Variants in JDP2 observed in about 807,000 individuals in gnomAD.
JDP2 encodes the protein Jun dimerization protein 2, also known as progesterone receptor co-activator.
In JDP2, 9 loss-of-function variants were observed where a neutral mutation model predicts 17.1. The ratio of observed to expected loss-of-function variants is 0.53; its 90% CI spans 0.32 to 0.92. The LOEUF (loss-of-function observed/expected upper bound fraction) is 0.92, where lower values mean the gene tolerates loss of function less well. Ranked by LOEUF, JDP2 falls within the 40% of genes least tolerant of loss-of-function variation. JDP2 has a pLI of 0.04. For synonymous variants in JDP2, 107 were observed against 95.6 expected, an observed-to-expected ratio of 1.12 and a Z score of -0.69; for missense variants, 179 against 220.0, an observed-to-expected ratio of 0.81 and a Z score of 1.18.
In JDP2 at chr14:75,430,986, C is replaced by T. The variant is rs936731571; in HGVS notation, c.-24+2734C>T. On this transcript the variant is annotated intron_variant, in intron 1 of 3. Coordinates refer to ENST00000651602, the MANE Select transcript of JDP2 (RefSeq NM_001135048.2). This position sits in a 1 kb window ranked among gnomAD's most constrained non-coding sequence, Gnocchi z 4.5. ...TAGTCTGTTTTCTTGCTGCAGCCCACGGGATTTAGTTGCAGAGCTCCATTT... is the reference window on the plus strand; with the variant it reads ...TAGTCTGTTTTCTTGCTGCAGCCCATGGGATTTAGTTGCAGAGCTCCATTT... Among the ~76,000 whole-genome samples the T allele has an allele frequency of 3.2e-4, 48 of 152,168 alleles. 1 individual carries two copies. Among genetic ancestry groups the T allele is most frequent in the Middle Eastern group, 3.4e-3 (1 of 294 alleles).
In JDP2 at chr14:75,428,982, T is replaced by C. The variant is rs970605941; in HGVS notation, c.-24+730T>C. 6.6e-6 allele frequency among the ~76,000 whole-genome samples: 1 copy of C among 151,650 alleles called. No homozygotes were observed. Among genetic ancestry groups the C allele is most frequent in the Non-Finnish European group, 1.5e-5 (1 of 67,890 alleles). On this transcript the variant is annotated intron_variant, in intron 1 of 3. Transcript: ENST00000651602. The surrounding 1 kb of genome is among the most constrained non-coding windows in gnomAD (Gnocchi z 5.6). ...CCCAGCCCAGCTTAGAAGGCTCTCCTCTGCTCCTCCCTTCAAAGGAGGTTG... is the reference window on the plus strand; with the variant it reads ...CCCAGCCCAGCTTAGAAGGCTCTCCCCTGCTCCTCCCTTCAAAGGAGGTTG...
chr14:75,439,865 G>A (rs1594951083), intron 2 of JDP2, among the ~76,000 whole-genome samples: 1 of 152,126 alleles, frequency 6.6e-6, no homozygotes, highest in South Asian at 2.1e-4. Context: ...TTGCCATTTA[G>A]AGCCAGTAGC....
At chr14:75,455,538 G>T (rs918642246) in intron 2 of JDP2, among the ~76,000 whole-genome samples, 2 of 152,188 alleles carry the variant, frequency 1.3e-5, no homozygotes, top group Non-Finnish European at 2.9e-5. Context: ...TCTGGCTTCT[G>T]GTTGAACTTG....
chr14:75,468,554 G>C (rs142444904), intron 3 of JDP2, among the ~76,000 whole-genome samples: 2 of 152,214 alleles, frequency 1.3e-5, no homozygotes, highest in African/African-American at 4.8e-5. Context: ...GAATCAAATC[G>C]TCAACATTCC....
intron 2 of JDP2, among the ~76,000 whole-genome samples, chr14:75,446,979 T>C (rs899495685): frequency 1.3e-5 from 2 of 152,202 alleles, no homozygotes; most frequent in African/African-American, 2.4e-5. Flanking sequence ...CCAGCGGCAG[T>C]GAAGAAGCCT....
chr14:75,464,548 C>T (rs1265101231), intron 3 of JDP2, among the ~76,000 whole-genome samples: 1 of 152,314 alleles, frequency 6.6e-6, no homozygotes, highest in South Asian at 2.1e-4. Context: ...ATCCAAATAA[C>T]ACGCCATTTT....
At chr14:75,449,213 G>C (rs1885742098) in intron 2 of JDP2, among the ~76,000 whole-genome samples, 1 of 152,172 alleles carries the variant, frequency 6.6e-6, no homozygotes. Flanking sequence ...ATTAAGCCAA[G>C]GACCTTGTTT....
intron 2 of JDP2, among the ~76,000 whole-genome samples, chr14:75,456,608 C>T (rs890340041): frequency 6.6e-6 from 1 of 152,106 alleles, no homozygotes; most frequent in African/African-American, 2.4e-5. Flanking sequence ...TCTCCCTGAC[C>T]CCGTCTTGGA....
chr14:75,449,575 C>T (rs60817395), intron 2 of JDP2, among the ~76,000 whole-genome samples: 6,029 of 152,268 alleles, frequency 0.04, 261 homozygotes, highest in African/African-American at 0.11. Context: ...GCCACCATTT[C>T]TCTCCTTTTC....
At position 75,471,082 on chromosome 14, in the gene JDP2, C is replaced by T. The variant is rs530210502; in HGVS notation, c.*1607C>T. 3.9e-5 allele frequency: 6 copies of T among 152,370 alleles called. 1 individual carries two copies. In the South Asian group the frequency reaches 1.2e-3, roughly 32 times the overall value. The allele number at this position is 152,370 out of a possible 1,614,324, so 9.4% of individuals were successfully genotyped here. On this transcript the variant is annotated 3_prime_UTR_variant, in exon 4 of 4. Transcript: ENST00000651602. ...CCTCCAGAGGCCTGTGACTCTCCTCCTGTCACCAACCCACTATGATTGTCC... is the reference window on the plus strand; with the variant it reads ...CCTCCAGAGGCCTGTGACTCTCCTCTTGTCACCAACCCACTATGATTGTCC...
Position 75,472,211 on chromosome 14 carries a change from G to GT in JDP2, c.*2736_*2737insT. On this transcript the variant is annotated 3_prime_UTR_variant, in exon 4 of 4. Coordinates refer to ENST00000651602, the MANE Select transcript of JDP2 (RefSeq NM_001135048.2). ...TGACCTCAACTGCTTTGTGCACCCT[G>GT]ACTGGGGGGTAGGTGCTAGCGTTCC... 1 of 152,246 alleles carries GT rather than the reference G, an allele frequency of 6.6e-6. No homozygotes were observed. The highest frequency in any genetic ancestry group is 1.9e-4 in the East Asian group (1 of 5,198). 9.4% of individuals were successfully genotyped at this position (152,246 alleles called of 1,614,324 possible).
chr14:75,427,870 G>C (rs1047387107), upstream of JDP2: 6 of 151,908 alleles, frequency 3.9e-5, no homozygotes, highest in Non-Finnish European at 7.4e-5. This position sits in a 1 kb window ranked among gnomAD's most constrained non-coding sequence, Gnocchi z 4.4. Flanking sequence ...GTGAAGCGCC[G>C]GCTCCACACC....
chr14:75,441,511 G>A (rs772874894), intron 2 of JDP2, among the ~76,000 whole-genome samples: 1 of 152,086 alleles, frequency 6.6e-6, no homozygotes, highest in Non-Finnish European at 1.5e-5. Context: ...TACATCTCTC[G>A]GCACCGTATA....
At chr14:75,436,238 TG>T (rs34393267) in intron 1 of JDP2, among the ~76,000 whole-genome samples, 12,891 of 152,166 alleles carry the variant, frequency 0.085, 1,194 homozygotes, top group African/African-American at 0.22. Flanking sequence ...GGAAGCTGAA[TG>T]GGGGCAGGTG....
chr14:75,469,648 A>C lies in JDP2; in HGVS notation c.*173A>C, dbSNP rs1293166202. The C allele has an allele frequency of 1.1e-5, 7 of 616,056 alleles. No homozygotes were observed. Among genetic ancestry groups the C allele is most frequent in the Non-Finnish European group, 2.0e-5 (7 of 357,210 alleles). 38.2% of individuals were successfully genotyped at this position (616,056 alleles called of 1,614,324 possible). A position where few individuals can be genotyped will look rare whatever the true frequency, so the allele number is the denominator to read the frequency against. On this transcript the variant is annotated 3_prime_UTR_variant, in exon 4 of 4. Coordinates refer to ENST00000651602, the MANE Select transcript of JDP2 (RefSeq NM_001135048.2). ...TTTGTGAAACTCAGATCAGCCACCC[A>C]GGAGGAAGAGCGGGCTGAGGAAACC... is the stretch of plus-strand genomic sequence containing the variant.
intron 1 of JDP2, among the ~76,000 whole-genome samples, chr14:75,434,787 A>G (rs920067920): frequency 2.0e-5 from 3 of 152,120 alleles, no homozygotes; most frequent in Admixed American, 1.3e-4. Context: ...CTTGGGGTCT[A>G]CTGTGGGAAT....
chr14:75,431,972 A>G (rs1424297755), intron 1 of JDP2, among the ~76,000 whole-genome samples: 1 of 152,248 alleles, frequency 6.6e-6, no homozygotes, highest in Non-Finnish European at 1.5e-5. Flanking sequence ...GTTATTCTTT[A>G]CAGCTGAGGA....
Position 75,455,367 on chromosome 14 carries a change from C to G in JDP2, c.202-6059C>G, listed in dbSNP as rs540895481. 2.4e-4 allele frequency among the ~76,000 whole-genome samples: 36 copies of G among 152,260 alleles called. 1 individual carries two copies. In the South Asian group the frequency reaches 6.0e-3, roughly 25 times the overall value. Reference sequence around the variant, plus strand: ...CTGTCATTGACTCCTGCCTGCAGGCCGTGACTGGGTCCAGGACTGGGGGTG... The same window carrying G: ...CTGTCATTGACTCCTGCCTGCAGGCGGTGACTGGGTCCAGGACTGGGGGTG... On this transcript the variant is annotated intron_variant, in intron 2 of 3. Coordinates refer to ENST00000651602, the MANE Select transcript of JDP2 (RefSeq NM_001135048.2).
At chr14:75,429,617 C>T (rs1884701900) in intron 1 of JDP2, among the ~76,000 whole-genome samples, 1 of 152,188 alleles carries the variant, frequency 6.6e-6, no homozygotes, top group Admixed American at 6.5e-5. Flanking sequence ...GGATGGATAG[C>T]TTATCTTCCT....
Sources: allele counts gnomAD v4.1 joint callset (sites outside exome capture counted in the v4.1 genomes callset), GRCh38; gene constraint gnomAD v4.1.1; non-coding constraint Gnocchi (gnomAD v3.1); transcripts MANE v1.5; gene names NCBI Gene and HGNC (gene_info 2026-07-23, HGNC 2026-07-21).